Variants in ARMCX4 observed in about 807,000 individuals in gnomAD.
The protein encoded by ARMCX4 is armadillo repeat-containing X-linked protein 4.
A neutral mutation model predicts 34.7 loss-of-function variants in ARMCX4; 3 were observed. The observed-to-expected ratio is 0.09, with a 90% CI of 0.04 to 0.22. The LOEUF (loss-of-function observed/expected upper bound fraction) is 0.22, where lower values mean the gene tolerates loss of function less well. Ranked by LOEUF, ARMCX4 falls within the 10% of genes least tolerant of loss-of-function variation. The pLI, the probability that ARMCX4 is intolerant of heterozygous loss-of-function variation, is 1.00. For missense variants in ARMCX4, 1,448 were observed against 1,720.8 expected (o/e 0.84, Z 2.81); for synonymous variants, 513 against 632.8 (o/e 0.81, Z 2.84).
At chrX:101,446,377 A>G (rs1931627141), downstream of ARMCX4, among the ~76,000 whole-genome samples, 1 of 110,849 alleles carries the variant, frequency 9.0e-6, no homozygotes, top group Non-Finnish European at 1.9e-5. Flanking sequence ...AGAAGGATAG[A>G]CATGTGGTAT....
At chrX:101,436,680 T>A (rs1448726192) in intron 2 of ARMCX4, among the ~76,000 whole-genome samples, 2 of 111,521 alleles carry the variant, frequency 1.8e-5, no homozygotes, top group African/African-American at 6.5e-5. Context: ...TCCAACACTA[T>A]GTTGAATAGG....
In ARMCX4 at chrX:101,508,132, C is replaced by T. The variant is rs782637467; in HGVS notation, c.*1597-1232C>T. On this transcript the variant is annotated intron_variant and NMD_transcript_variant, in intron 8 of 12. Transcript: ENST00000354842. ...AGCCCAGGTAGGTAGTAGGCTATAT[C>T]ATCTAGGTTTGTGTAAATATACTCT... 8.9e-5 allele frequency among the ~76,000 whole-genome samples: 10 copies of T among 112,303 alleles called. No homozygotes were observed. In the South Asian group the frequency reaches 3.0e-3, roughly 33 times the overall value.
chrX:101,502,035 G>T (rs1477634324), intron 7 of ARMCX4, among the ~76,000 whole-genome samples: 1 of 112,292 alleles, frequency 8.9e-6, no homozygotes, highest in Non-Finnish European at 1.9e-5. Flanking sequence ...CTTAGCTAGG[G>T]TTGTGGAGCA....
chrX:101,491,377 G>A lies in ARMCX4; in HGVS notation c.2788G>A (p.Gly930Ser). The A allele has an allele frequency of 8.6e-7, 1 of 1,156,376 alleles. No homozygotes were observed. The highest frequency in any genetic ancestry group is 1.9e-5 in the South Asian group (1 of 52,779). ...TLPGARNKVK[G>S]NSNAISKAEA... is the part of the protein sequence containing the mutation. ...GCCTGGTGCCAGGAATAAGGTCAAG[G>A]GCAATTCCAATGCTATTTCTAAGGC... is the stretch of plus-strand genomic sequence containing the variant. The change falls in exon 6 of 6, where the codon GGC (glycine) becomes AGC (serine). Residue 930 changes from glycine (G) to serine (S), a missense_variant. By Grantham distance (56) the Gly-to-Ser change is moderately conservative (BLOSUM62 0). Around this residue, in one of 2 missense-constraint regions of ARMCX4, gnomAD observed 1,343 missense variants for 1,540.7 expected, o/e 0.87. Coordinates refer to ENST00000423738, the MANE Select transcript of ARMCX4 (RefSeq NM_001256155.3).
At chrX:101,520,905 A>T (rs1358658979) in intron 11 of ARMCX4, among the ~76,000 whole-genome samples, 5 of 106,368 alleles carry the variant, frequency 4.7e-5, no homozygotes, top group African/African-American at 1.9e-4. Context: ...TTTTTTTTTA[A>T]AAAAATTATT....
intron 11 of ARMCX4, among the ~76,000 whole-genome samples, chrX:101,525,545 C>T (rs1043066817): frequency 4.5e-5 from 5 of 111,584 alleles, no homozygotes; most frequent in African/African-American, 1.6e-4. Flanking sequence ...GATGTTCAAA[C>T]CCATTGCAAG....
Position 101,490,171 on chromosome X carries a change from G to T in ARMCX4, c.1582G>T (p.Ala528Ser). The change falls in exon 6 of 6, where the codon GCT becomes TCT. Residue 528 changes from alanine to serine, a missense_variant. By Grantham distance (99) the Ala-to-Ser change is moderately conservative. This residue lies in a region of ARMCX4 where 1,343 missense variants were observed against 1,540.7 expected (regional missense o/e 0.87). Transcript: ENST00000423738. Reference protein sequence around the residue: ...GEALPNTRGKARGKAKAKCKT... With the variant: ...GEALPNTRGKSRGKAKAKCKT... ...AGCCTTACCTAATACTAGAGGTAAG[G>T]CTAGGGGCAAAGCCAAAGCCAAGTG... The T allele has an allele frequency of 1.7e-6, 2 of 1,155,995 alleles. No homozygotes were observed. The highest frequency in any genetic ancestry group is 2.3e-6 in the Non-Finnish European group (2 of 872,946).
At chrX:101,421,300 T>A (rs782632501) in intron 2 of ARMCX4, among the ~76,000 whole-genome samples, 1 of 109,759 alleles carries the variant, frequency 9.1e-6, no homozygotes, top group Non-Finnish European at 1.9e-5. Flanking sequence ...ATGGAGAGTT[T>A]TATTAGAAGC....
chrX:101,467,668 G>T (rs370294195), intron 4 of ARMCX4, among the ~76,000 whole-genome samples: 1 of 109,601 alleles, frequency 9.1e-6, no homozygotes, highest in Non-Finnish European at 1.9e-5. Flanking sequence ...ATTTCATGGT[G>T]GGGGGGGGAC....
intron 4 of ARMCX4, among the ~76,000 whole-genome samples, chrX:101,460,076 T>C (rs1932537409): frequency 8.9e-6 from 1 of 112,949 alleles, no homozygotes; most frequent in Non-Finnish European, 1.9e-5. Context: ...ACCACTGGTC[T>C]GGCTAATAGA....
downstream of ARMCX4, among the ~76,000 whole-genome samples, chrX:101,448,826 C>T (rs1256624708): frequency 1.8e-5 from 2 of 110,224 alleles, no homozygotes; most frequent in Admixed American, 9.7e-5. Context: ...CTCCTGACCT[C>T]GTGATCTGCC....
intron 2 of ARMCX4, among the ~76,000 whole-genome samples, chrX:101,443,535 A>G (rs1555997439): frequency 8.9e-6 from 1 of 112,193 alleles, no homozygotes; most frequent in African/African-American, 3.2e-5. Flanking sequence ...ACTGCAATAC[A>G]GCTAGACATG....
At chrX:101,476,743 C>T (rs1378616887) in intron 4 of ARMCX4, among the ~76,000 whole-genome samples, 1 of 109,570 alleles carries the variant, frequency 9.1e-6, no homozygotes, top group Non-Finnish European at 1.9e-5. Context: ...CTTACATATT[C>T]AAAAATAAGG....
At chrX:101,467,914 C>G (rs1399607872) in intron 4 of ARMCX4, among the ~76,000 whole-genome samples, 3 of 111,713 alleles carry the variant, frequency 2.7e-5, no homozygotes, top group African/African-American at 9.8e-5. Flanking sequence ...AACTTATGTT[C>G]CAGTTCAAAC....
At chrX:101,508,679 C>T (rs1425464847) in intron 8 of ARMCX4, among the ~76,000 whole-genome samples, 5 of 111,425 alleles carry the variant, frequency 4.5e-5, no homozygotes, top group Admixed American at 1.9e-4. Flanking sequence ...ATCCTTGTAT[C>T]GCAACACTAT....
chrX:101,501,852 T>C (rs1389366907), intron 7 of ARMCX4, among the ~76,000 whole-genome samples: 1 of 111,791 alleles, frequency 8.9e-6, no homozygotes, highest in East Asian at 2.8e-4. Context: ...CCTGGTGTCT[T>C]TACTGCATCC....
chrX:101,506,529 G>A (rs1254467263), intron 8 of ARMCX4, among the ~76,000 whole-genome samples: 1 of 110,837 alleles, frequency 9.0e-6, no homozygotes, highest in Non-Finnish European at 1.9e-5. Flanking sequence ...GAGAGAGAGA[G>A]AAAGAGAGAG....
At chrX:101,433,267 TG>T (rs1176862920) in intron 2 of ARMCX4, among the ~76,000 whole-genome samples, 1 of 102,569 alleles carries the variant, frequency 9.7e-6, no homozygotes, top group African/African-American at 3.5e-5. Flanking sequence ...TATACATATA[TG>T]TACACATGTA....
At chrX:101,424,894 A>G (rs1929509654) in intron 2 of ARMCX4, among the ~76,000 whole-genome samples, 1 of 112,019 alleles carries the variant, frequency 8.9e-6, no homozygotes, top group African/African-American at 3.2e-5. Flanking sequence ...AACACCCAAG[A>G]GAATATAGGT....
Sources: allele counts gnomAD v4.1 joint callset (sites outside exome capture counted in the v4.1 genomes callset), GRCh38; gene constraint gnomAD v4.1.1; regional missense constraint gnomAD v4.1.1; transcripts MANE v1.5; gene names NCBI Gene and HGNC (gene_info 2026-07-23, HGNC 2026-07-21).